Variants in SPATS2L observed in about 807,000 individuals in gnomAD.
SPATS2L encodes spermatogenesis associated serine rich 2 like.
SPATS2L carries 30 observed loss-of-function variants against 59.6 expected under a neutral mutation model. The observed-to-expected ratio is 0.50, with a 90% CI of 0.38 to 0.68. The LOEUF (loss-of-function observed/expected upper bound fraction) is 0.68, where lower values mean the gene tolerates loss of function less well. SPATS2L is among the 30% of genes least tolerant of loss of function. The pLI is 0.00. For synonymous variants in SPATS2L, 252 were observed against 263.5 expected (o/e 0.96, Z 0.42); for missense variants, 615 against 700.0 (o/e 0.88, Z 1.37).
At chr2:200,427,721 G>A (rs771368163) in intron 6 of SPATS2L, among the ~76,000 whole-genome samples, 8 of 152,086 alleles carry the variant, frequency 5.3e-5, no homozygotes, top group Non-Finnish European at 1.2e-4. Flanking sequence ...AGGCAGAACT[G>A]ACATTGTGTC....
chr2:200,406,299 C>T (rs575313657), intron 3 of SPATS2L, among the ~76,000 whole-genome samples: 24 of 151,614 alleles, frequency 1.6e-4, no homozygotes, highest in Admixed American at 3.3e-4. Flanking sequence ...CTTTGCCAAT[C>T]GGGATTATTT....
intron 3 of SPATS2L, among the ~76,000 whole-genome samples, chr2:200,392,338 G>A (rs1386484006): frequency 6.6e-6 from 1 of 152,154 alleles, no homozygotes; most frequent in Non-Finnish European, 1.5e-5. Context: ...AACCCAAAAG[G>A]ACTGAGCTAA....
intron 6 of SPATS2L, among the ~76,000 whole-genome samples, chr2:200,434,063 G>A (rs1375957560): frequency 1.3e-5 from 2 of 151,882 alleles, no homozygotes; most frequent in Non-Finnish European, 2.9e-5. Flanking sequence ...AACAAGTGAA[G>A]TAAACAATAT....
intron 6 of SPATS2L, among the ~76,000 whole-genome samples, chr2:200,437,385 C>T (rs1004616723): frequency 6.6e-6 from 1 of 152,092 alleles, no homozygotes; most frequent in African/African-American, 2.4e-5. Flanking sequence ...GTGGCTGGTA[C>T]CACCCATCTC....
intron 9 of SPATS2L, among the ~76,000 whole-genome samples, chr2:200,462,586 G>A (rs943961583): frequency 6.6e-6 from 1 of 152,158 alleles, no homozygotes; most frequent in African/African-American, 2.4e-5. Context: ...CTAACTGGCT[G>A]TGTGTCCCTG....
chr2:200,443,130 A>G (rs993818448), intron 8 of SPATS2L, among the ~76,000 whole-genome samples: 1 of 152,348 alleles, frequency 6.6e-6, no homozygotes, highest in South Asian at 2.1e-4. Flanking sequence ...AAAATCAACT[A>G]TGCATGCCTG....
At chr2:200,457,724 A>T (rs927574142) in intron 8 of SPATS2L, among the ~76,000 whole-genome samples, 4 of 152,184 alleles carry the variant, frequency 2.6e-5, no homozygotes, top group African/African-American at 9.6e-5. Context: ...TTCCACTAGG[A>T]TTTCCTGGTT....
At chr2:200,432,053 T>A (rs2083970725) in intron 6 of SPATS2L, among the ~76,000 whole-genome samples, 1 of 152,198 alleles carries the variant, frequency 6.6e-6, no homozygotes, top group South Asian at 2.1e-4. Context: ...TATCAAGAAC[T>A]TTTCAAGAGA....
chr2:200,364,234 T>G (rs1181587552), intron 2 of SPATS2L, among the ~76,000 whole-genome samples: 1 of 152,196 alleles, frequency 6.6e-6, no homozygotes, highest in Non-Finnish European at 1.5e-5. Context: ...TAATGAATTT[T>G]TATTATTTTA....
intron 2 of SPATS2L, among the ~76,000 whole-genome samples, chr2:200,361,466 A>C (rs889839144): frequency 2.0e-5 from 3 of 152,248 alleles, no homozygotes; most frequent in Non-Finnish European, 2.9e-5. Context: ...AATTAAAAAA[A>C]TATCTGCAGG....
chr2:200,452,692 T>A (rs2085543696), intron 8 of SPATS2L, among the ~76,000 whole-genome samples: 1 of 152,208 alleles, frequency 6.6e-6, no homozygotes, highest in Non-Finnish European at 1.5e-5. Flanking sequence ...TTGCTTTGTA[T>A]GTTGAGTGTG....
At chr2:200,318,928 G>A (rs1471306383) in intron 1 of SPATS2L, among the ~76,000 whole-genome samples, 2 of 152,148 alleles carry the variant, frequency 1.3e-5, no homozygotes, top group Non-Finnish European at 2.9e-5. Context: ...CAGTGCTCCG[G>A]ACCCTAAGCC....
intron 10 of SPATS2L, among the ~76,000 whole-genome samples, chr2:200,468,658 G>A (rs1007400201): frequency 6.6e-6 from 1 of 152,120 alleles, no homozygotes; most frequent in Non-Finnish European, 1.5e-5. Flanking sequence ...AATTGCAGTG[G>A]CCTCCACACT....
At chr2:200,441,102 C>T (rs1367255869) in intron 8 of SPATS2L, among the ~76,000 whole-genome samples, 2 of 152,132 alleles carry the variant, frequency 1.3e-5, no homozygotes, top group African/African-American at 4.8e-5. Flanking sequence ...CCCTGGAAGG[C>T]TAATATCATG....
chr2:200,315,856 C>CAAAA lies in SPATS2L; in HGVS notation c.-73+8951_-73+8954dup, dbSNP rs374718905. ...GTGAAACCCCGTCTCACCAAAAATC[C>CAAAA]AAAAAAAAAAAAAAAAAAAAGAGCC... On this transcript the variant is annotated intron_variant, in intron 1 of 12. Coordinates refer to ENST00000409140, the MANE Select transcript of SPATS2L (RefSeq NM_001100423.2). Among the ~76,000 whole-genome samples the CAAAA allele has an allele frequency of 6.8e-4, 62 of 90,894 alleles. 1 individual carries two copies. Among genetic ancestry groups the CAAAA allele is most frequent in the Non-Finnish European group, 9.5e-4 (47 of 49,544 alleles). The allele number at this position is 90,894 out of a possible 152,430, so 59.6% of individuals were successfully genotyped here.
intron 2 of SPATS2L, chr2:200,383,989 G>A: frequency 9.0e-6 from 9 of 1,002,396 alleles, no homozygotes; most frequent in Non-Finnish European, 1.1e-5. Context: ...GGAGAAAGGA[G>A]ACAAGCAAGT....
chr2:200,425,343 C>T (rs928696312), intron 6 of SPATS2L, among the ~76,000 whole-genome samples: 5 of 152,116 alleles, frequency 3.3e-5, no homozygotes, highest in Admixed American at 2.6e-4. Context: ...AAAAAGAAAG[C>T]AGCCAGCTTA....
rs1327815469 is a variant in SPATS2L at position 200,439,696 on chromosome 2, T to C, written c.652+368T>C. 3.3e-5 allele frequency among the ~76,000 whole-genome samples: 5 copies of C among 152,204 alleles called. No homozygotes were observed. In the East Asian group the frequency reaches 9.6e-4, roughly 29 times the overall value. On this transcript the variant is annotated intron_variant, in intron 7 of 12. Transcript: ENST00000409140. ...GGACTCATGTTTCCCTGATACACAA[T>C]TGCTTGACTTGCATTGAACAAAGAT...
intron 2 of SPATS2L, among the ~76,000 whole-genome samples, chr2:200,387,475 T>C (rs1197670128): frequency 6.6e-6 from 1 of 152,240 alleles, no homozygotes; most frequent in Non-Finnish European, 1.5e-5. Flanking sequence ...TAATATTTGA[T>C]AATTTGTCTC....
Sources: gnomAD v4.1 joint callset for allele counts (sites outside exome capture counted in the v4.1 genomes callset) on GRCh38, gnomAD v4.1.1 for gene constraint, MANE v1.5 for transcripts, NCBI Gene and HGNC (gene_info 2026-07-23, HGNC 2026-07-21) for gene names.